Variants in ADCY8 observed in about 807,000 individuals in gnomAD.
ADCY8 encodes the protein adenylate cyclase type 8.
ADCY8 carries 51 observed loss-of-function variants against 119.7 expected under a neutral mutation model. The ratio of observed to expected loss-of-function variants is 0.43; its 90% CI spans 0.34 to 0.54. The LOEUF (loss-of-function observed/expected upper bound fraction) is 0.54, where lower values mean the gene tolerates loss of function less well. Ranked by LOEUF, ADCY8 falls within the 20% of genes least tolerant of loss-of-function variation. The pLI, the probability that ADCY8 is intolerant of heterozygous loss-of-function variation, is 0.03. For missense variants in ADCY8, 1,383 were observed against 1,598.8 expected (o/e 0.87, Z 2.30); for synonymous variants, 665 against 651.0 (o/e 1.02, Z -0.33).
chr8:130,906,434 C>A (rs1721077958), intron 6 of ADCY8, among the ~76,000 whole-genome samples: 1 of 152,140 alleles, frequency 6.6e-6, no homozygotes, highest in Admixed American at 6.6e-5. Flanking sequence ...TGTCAGTATG[C>A]AAGGGGACAA....
intron 1 of ADCY8, among the ~76,000 whole-genome samples, chr8:131,022,558 T>C (rs1178007899): frequency 1.3e-5 from 2 of 152,156 alleles, no homozygotes; most frequent in African/African-American, 4.8e-5. Context: ...AGAAAGATGG[T>C]GAACTATGAA....
intron 9 of ADCY8, among the ~76,000 whole-genome samples, chr8:130,866,878 C>A (rs1818142589): frequency 6.6e-6 from 1 of 152,102 alleles, no homozygotes; most frequent in African/African-American, 2.4e-5. Flanking sequence ...ACTTTCCTGG[C>A]ATGTATAAGT....
intron 5 of ADCY8, among the ~76,000 whole-genome samples, chr8:130,926,391 G>T (rs1427833944): frequency 6.6e-6 from 1 of 151,796 alleles, no homozygotes; most frequent in Non-Finnish European, 1.5e-5. Flanking sequence ...AGGGAAAAAG[G>T]TTTCCCTCAT....
At chr8:130,993,458 G>A (rs28452669) in intron 1 of ADCY8, among the ~76,000 whole-genome samples, 12 of 151,912 alleles carry the variant, frequency 7.9e-5, no homozygotes, top group African/African-American at 1.7e-4. Context: ...ATTAACAACC[G>A]TGAAATGAAA....
intron 15 of ADCY8, among the ~76,000 whole-genome samples, chr8:130,795,824 C>T (rs1307773676): frequency 6.6e-6 from 1 of 152,088 alleles, no homozygotes; most frequent in Non-Finnish European, 1.5e-5. Flanking sequence ...GCCTGATTTA[C>T]AGCAGGGGCA....
intron 1 of ADCY8, among the ~76,000 whole-genome samples, chr8:131,023,375 A>G (rs1045237794): frequency 6.6e-6 from 1 of 152,194 alleles, no homozygotes; most frequent in African/African-American, 2.4e-5. Flanking sequence ...CAACAGCTAA[A>G]GACCTAGGAG....
At chr8:130,962,539 A>G (rs1821635565) in intron 2 of ADCY8, among the ~76,000 whole-genome samples, 1 of 152,214 alleles carries the variant, frequency 6.6e-6, no homozygotes, top group South Asian at 2.1e-4. Flanking sequence ...CTCATCTCAC[A>G]TAACATACTC....
intron 9 of ADCY8, among the ~76,000 whole-genome samples, chr8:130,857,993 C>G (rs1817803442): frequency 6.6e-6 from 1 of 152,130 alleles, no homozygotes; most frequent in Admixed American, 6.5e-5. Context: ...TAATTATCCC[C>G]ATTGCAGCTC....
At chr8:130,975,645 G>A (rs1266319739) in intron 2 of ADCY8, among the ~76,000 whole-genome samples, 2 of 152,182 alleles carry the variant, frequency 1.3e-5, no homozygotes, top group African/African-American at 4.8e-5. Context: ...TTATTCCAAT[G>A]TAATAGATAA....
At chr8:130,884,213 TG>T (rs2130460167) in intron 8 of ADCY8, among the ~76,000 whole-genome samples, 1 of 152,316 alleles carries the variant, frequency 6.6e-6, no homozygotes, top group Non-Finnish European at 1.5e-5. Context: ...TGGTTGCAGC[TG>T]ATGTGAATTC....
At chr8:130,903,355 G>A (rs182266868) in intron 7 of ADCY8, among the ~76,000 whole-genome samples, 1 of 152,040 alleles carries the variant, frequency 6.6e-6, no homozygotes, top group East Asian at 1.9e-4. Context: ...GAATCTCAGA[G>A]GGTGACACAG....
intron 1 of ADCY8, among the ~76,000 whole-genome samples, chr8:131,034,620 T>G (rs1824093778): frequency 6.6e-6 from 1 of 152,126 alleles, no homozygotes; most frequent in Non-Finnish European, 1.5e-5. Flanking sequence ...CATGAGGAAT[T>G]TAAATCTGAC....
At chr8:130,783,855 A>G (rs1815167280) in intron 16 of ADCY8, 50 bp from the exon 17 acceptor site, 1 of 1,442,560 alleles carries the variant, frequency 6.9e-7, no homozygotes, top group African/African-American at 1.4e-5. Context: ...ATGTGGGGGA[A>G]CATTAACATT....
At chr8:131,033,063 G>T (rs1586672091) in intron 1 of ADCY8, among the ~76,000 whole-genome samples, 1 of 152,294 alleles carries the variant, frequency 6.6e-6, no homozygotes, top group South Asian at 2.1e-4. Context: ...CAAGTGAACT[G>T]CTATGTTGTC....
intron 16 of ADCY8, among the ~76,000 whole-genome samples, chr8:130,784,734 T>A (rs543829460): frequency 6.6e-6 from 1 of 152,370 alleles, no homozygotes; most frequent in Non-Finnish European, 1.5e-5. Flanking sequence ...ATAACCAGCA[T>A]GAGTTTCATC....
chr8:130,931,586 C>A (rs1771678115), intron 5 of ADCY8, among the ~76,000 whole-genome samples: 1 of 152,036 alleles, frequency 6.6e-6, no homozygotes, highest in Admixed American at 6.6e-5. Context: ...TGAATATTTG[C>A]TCTTTTGATG....
At chr8:130,806,283 G>A (rs1268443475) in intron 14 of ADCY8, among the ~76,000 whole-genome samples, 6 of 152,306 alleles carry the variant, frequency 3.9e-5, no homozygotes, top group Non-Finnish European at 2.9e-5. Flanking sequence ...GACTGGCAGT[G>A]GCTACTCACG....
At chr8:130,874,158 A>G (rs774378611) in intron 8 of ADCY8, among the ~76,000 whole-genome samples, 1 of 151,910 alleles carries the variant, frequency 6.6e-6, no homozygotes, top group Non-Finnish European at 1.5e-5. Context: ...AAATACAAAA[A>G]TTAGCTGGGT....
chr8:130,889,630 C>T (rs1819113214), intron 7 of ADCY8, among the ~76,000 whole-genome samples: 1 of 152,128 alleles, frequency 6.6e-6, no homozygotes, highest in Non-Finnish European at 1.5e-5. Context: ...TTCCAGTGTC[C>T]TTAGCTTTCT....
Sources: allele counts gnomAD v4.1 joint callset (sites outside exome capture counted in the v4.1 genomes callset), GRCh38; gene constraint gnomAD v4.1.1; transcripts MANE v1.5; gene names NCBI Gene and HGNC (gene_info 2026-07-23, HGNC 2026-07-21).